The following NEK4 variants were observed in gnomAD, a reference collection of about 807,000 sequenced individuals.
NEK4 encodes serine/threonine-protein kinase Nek4.
Under a neutral mutation model 98.4 loss-of-function variants are expected in NEK4, and 86 were observed. The observed-to-expected ratio is 0.87, with a 90% CI of 0.73 to 1.05. The LOEUF (loss-of-function observed/expected upper bound fraction) is 1.05, where lower values mean the gene tolerates loss of function less well. Among genes scored for constraint, NEK4 ranks in the 50% least tolerant of loss-of-function variants. The pLI is 0.00. For synonymous variants in NEK4, 328 were observed against 342.2 expected, an observed-to-expected ratio of 0.96 and a Z score of 0.46; for missense variants, 898 against 950.3, an observed-to-expected ratio of 0.94 and a Z score of 0.72.
intron 15 of NEK4, among the ~76,000 whole-genome samples, chr3:52,735,871 C>T (rs567428504): frequency 1.3e-5 from 2 of 152,270 alleles, no homozygotes; most frequent in South Asian, 4.1e-4. Flanking sequence ...TAAATTGATA[C>T]CTGTTAGCAT....
intron 5 of NEK4, among the ~76,000 whole-genome samples, chr3:52,762,339 T>C (rs1033021611): frequency 9.8e-5 from 15 of 152,350 alleles, no homozygotes; most frequent in African/African-American, 3.4e-4. Context: ...TCTCTAATTA[T>C]ATGATTTCTA....
chr3:52,757,555 C>CAAAAAAAAAAAAAAAAAGAAA (rs1698160213), intron 6 of NEK4, among the ~76,000 whole-genome samples: 1 of 72,206 alleles, frequency 1.4e-5, no homozygotes, highest in Non-Finnish European at 3.2e-5. Flanking sequence ...GACTCCGTCT[C>CAAAAAAAAAAAAAAAAAGAAA]AAAAAAAAAA....
chr3:52,728,090 G>A (rs1339155291), intron 15 of NEK4, among the ~76,000 whole-genome samples: 1 of 152,102 alleles, frequency 6.6e-6, no homozygotes, highest in Non-Finnish European at 1.5e-5. Context: ...AAAAATTAAG[G>A]TGCCAGGCAT....
chr3:52,753,855 T>C (rs1007540820), intron 6 of NEK4: 10 of 389,206 alleles, frequency 2.6e-5, no homozygotes, highest in Non-Finnish European at 4.0e-5. Context: ...CTAATATTCA[T>C]AGGGCACAGA....
In NEK4 at chr3:52,766,005, A is replaced by G; in HGVS notation, c.559-11T>C. ...AGCCCAAACATCAGACTAGAAAATA[A>G]AAACAGTAAACGGTTAAATGTCAGA... On this transcript the variant is annotated splice_polypyrimidine_tract_variant and intron_variant, in intron 3 of 15. Transcript: ENST00000233027. 2 of 1,569,240 alleles carry G rather than the reference A, an allele frequency of 1.3e-6. No individual in the cohort carries two copies. Among genetic ancestry groups the G allele is most frequent in the East Asian group, 2.2e-5 (1 of 44,680 alleles).
intron 6 of NEK4, among the ~76,000 whole-genome samples, chr3:52,757,358 G>C (rs1698150445): frequency 6.6e-6 from 1 of 152,136 alleles, no homozygotes; most frequent in Non-Finnish European, 1.5e-5. Flanking sequence ...AGGAGTTTGA[G>C]ACCAGCCTGG....
Position 52,768,388 on chromosome 3 carries a change from G to C in NEK4, c.310C>G (p.Pro104Ala). The C allele has an allele frequency of 1.2e-6, 2 of 1,614,118 alleles. No homozygotes were observed. Among genetic ancestry groups the C allele is most frequent in the Non-Finnish European group, 8.5e-7 (1 of 1,179,988 alleles). Residue 104 changes from proline (P) to alanine (A), a missense_variant, in exon 2 of 16, where the codon CCT (proline) becomes GCT (alanine). Transcript: ENST00000233027. ...AACCACTCTACCACCTGATTCTCAG[G>C]CAGAAGCTGCCCTTTCTGCTCCTTG... is the stretch of plus-strand genomic sequence containing the variant. ...KLKEQKGQLL[P>A]ENQVVEWFVQ... is the part of the protein sequence containing the mutation.
chr3:52,718,798 G>C (rs372948071), intron 15 of NEK4, among the ~76,000 whole-genome samples: 3 of 152,288 alleles, frequency 2.0e-5, no homozygotes, highest in East Asian at 3.9e-4. Context: ...TCGTTGCCCA[G>C]GCTGGAGTGC....
chr3:52,727,835 C>T (rs1251397271), intron 15 of NEK4, among the ~76,000 whole-genome samples: 1 of 152,076 alleles, frequency 6.6e-6, no homozygotes, highest in Non-Finnish European at 1.5e-5. Flanking sequence ...TTAGAAAATA[C>T]TTAGAGACAA....
At chr3:52,740,275 T>C (rs557797450) in intron 13 of NEK4, among the ~76,000 whole-genome samples, 7 of 151,994 alleles carry the variant, frequency 4.6e-5, no homozygotes, top group Admixed American at 1.3e-4. Context: ...AATGAGGACA[T>C]TAAAATGGGT....
At chr3:52,739,984 G>A (rs983850645) in intron 13 of NEK4, among the ~76,000 whole-genome samples, 2 of 152,184 alleles carry the variant, frequency 1.3e-5, no homozygotes, top group African/African-American at 4.8e-5. Flanking sequence ...TCACTAGAAA[G>A]TGAGACAGGA....
rs2097347300 is a variant in NEK4, at chr3:52,708,724, A to T, written c.*3053T>A. ...GAATGCCTATAAGGCCATTTGAATA[A>T]CGGATCATGTACAAAGCAACAGGAA... On this transcript the variant is annotated 3_prime_UTR_variant, in exon 16 of 16. Coordinates refer to ENST00000233027, the MANE Select transcript of NEK4 (RefSeq NM_003157.6). The T allele has an allele frequency of 6.6e-6, 1 of 152,196 alleles. No homozygotes were observed. Among genetic ancestry groups the T allele is most frequent in the East Asian group, 1.9e-4 (1 of 5,196 alleles). 9.4% of individuals were successfully genotyped at this position (152,196 alleles called of 1,614,324 possible). A position where few individuals can be genotyped will look rare whatever the true frequency, so the allele number is the denominator to read the frequency against.
chr3:52,754,556 T>C lies in NEK4; in HGVS notation c.964-2220A>G. 2.2e-6 allele frequency: 3 copies of C among 1,349,152 alleles called. No homozygotes were observed. The South Asian group carries it at 3.5e-5, about 16-fold the overall frequency. The allele number at this position is 1,349,152 out of a possible 1,614,324, so 83.6% of individuals were successfully genotyped here. On this transcript the variant is annotated intron_variant, in intron 6 of 15. Coordinates refer to ENST00000233027, the MANE Select transcript of NEK4 (RefSeq NM_003157.6). ...TTTCTCCATGGAATCCTTCTGTACA[T>C]GATGAAGCCAGAGAAAAGATGCTGA...
At chr3:52,729,550 A>G (rs2097367615) in intron 15 of NEK4, among the ~76,000 whole-genome samples, 1 of 152,054 alleles carries the variant, frequency 6.6e-6, no homozygotes, top group African/African-American at 2.4e-5. Flanking sequence ...CTCTACTAAA[A>G]TACAAAAATT....
Position 52,752,933 on chromosome 3 carries a change from T to TATACACACACACACAC in NEK4, c.964-598_964-597insGTGTGTGTGTGTGTAT, listed in dbSNP as rs148965312. Reference sequence around the variant, plus strand: ...AAAAAAAAAAATATATATATATATATACACACACACACACACACACAATGG... The same window carrying TATACACACACACACAC: ...AAAAAAAAAAATATATATATATATATATACACACACACACACACACACACACACACACACACAATGG... On this transcript the variant is annotated intron_variant, in intron 6 of 15. Transcript: ENST00000233027. Among the ~76,000 whole-genome samples the TATACACACACACACAC allele has an allele frequency of 4.2e-4, 32 of 75,552 alleles. No individual in the cohort carries two copies. In the South Asian group the frequency reaches 8.7e-3, roughly 21 times the overall value. The allele number at this position is 75,552 out of a possible 152,430, so 49.6% of individuals were successfully genotyped here.
chr3:52,757,810 G>A (rs1698180318), intron 6 of NEK4, among the ~76,000 whole-genome samples: 1 of 152,182 alleles, frequency 6.6e-6, no homozygotes, highest in African/African-American at 2.4e-5. Flanking sequence ...AAATAAGGCA[G>A]TCATGAAAGA....
Position 52,744,289 on chromosome 3 carries a change from GC to G in NEK4, c.1843del (p.Ala615ProfsTer7). ...CTGCTTTAGTCGCCTCCTCTCTCTG[GC>G]TGATAATGGTCGATCCTTTAAAAGA... is the stretch of plus-strand genomic sequence containing the variant. Reference protein sequence around the residue: ...MSSSKDRPLSARERRRLKQSQ... With the variant: ...MSSSKDRPLSXRERRRLKQSQ... On this transcript the variant is annotated frameshift_variant, in exon 11 of 16. Transcript: ENST00000233027. LOFTEE classifies it high-confidence loss of function. 6.2e-7 allele frequency: 1 copy of G among 1,613,444 alleles called. No homozygotes were observed. The highest frequency in any genetic ancestry group is 8.5e-7 in the Non-Finnish European group (1 of 1,179,440).
chr3:52,768,711 G>A, intron 1 of NEK4, 107 bp from the exon 2 acceptor site: 1 of 945,780 alleles, frequency 1.1e-6, no homozygotes, highest in Non-Finnish European at 1.6e-6. Context: ...ACCTTGTGGA[G>A]CCTGTCAGAT....
At position 52,746,147 on chromosome 3, in the gene NEK4, A is replaced by C; in HGVS notation, c.1741T>G (p.Ser581Ala). Residue 581 changes from serine to alanine, a missense_variant, in exon 10 of 16, where the codon TCA becomes GCA. Physicochemically the swap from Ser to Ala is moderately conservative, Grantham distance 99. Transcript: ENST00000233027. ...HPIVGKVDVT[S>A]TQKEAENQRR... ...TGGTTTTCAGCCTCTTTTTGTGTTG[A>C]TGTGACATCCACTTTCCCAACAATG... The C allele has an allele frequency of 3.7e-6, 6 of 1,614,066 alleles. No homozygotes were observed. The highest frequency in any genetic ancestry group is 5.1e-6 in the Non-Finnish European group (6 of 1,179,960).
Sources: gnomAD v4.1 joint callset for allele counts (sites outside exome capture counted in the v4.1 genomes callset) on GRCh38, gnomAD v4.1.1 for gene constraint, MANE v1.5 for transcripts, NCBI Gene and HGNC (gene_info 2026-07-23, HGNC 2026-07-21) for gene names.